The following ZFC3H1 variants were observed in gnomAD, a reference collection of about 807,000 sequenced individuals.
ZFC3H1 encodes the protein zinc finger C3H1 domain-containing protein.
A neutral mutation model predicts 243.7 loss-of-function variants in ZFC3H1; 71 were observed. The observed-to-expected ratio is 0.29, with a 90% CI of 0.24 to 0.36. The LOEUF is 0.36. ZFC3H1 is among the 10% of genes least tolerant of loss of function. The pLI is 1.00. For missense variants in ZFC3H1, 1,966 were observed against 2,317.1 expected, an observed-to-expected ratio of 0.85 and a Z score of 3.11; for synonymous variants, 838 against 813.0, an observed-to-expected ratio of 1.03 and a Z score of -0.52.
intron 22 of ZFC3H1, among the ~76,000 whole-genome samples, chr12:71,625,640 C>A (rs1245928196): frequency 6.6e-6 from 1 of 151,988 alleles, no homozygotes; most frequent in Non-Finnish European, 1.5e-5. Flanking sequence ...CAGTGAGTCA[C>A]GACTGCACTA....
At chr12:71,632,804 CTTTATATATACAT>C in intron 14 of ZFC3H1, 69 bp downstream of exon 14, 1 of 1,540,788 alleles carries the variant, frequency 6.5e-7, no homozygotes, top group Non-Finnish European at 8.7e-7. Flanking sequence ...CAAAGAGTTA[CTTTATATATACAT>C]CTTACCCTTA....
chr12:71,663,381 G>A lies in ZFC3H1; in HGVS notation c.230C>T (p.Ser77Phe), dbSNP rs749266950. Residue 77 changes from serine to phenylalanine, a missense_variant, in exon 1 of 35, where the codon TCC becomes TTC. By Grantham distance (155) the Ser-to-Phe change is radical (BLOSUM62 -2). Coordinates refer to ENST00000378743, the MANE Select transcript of ZFC3H1 (RefSeq NM_144982.5). ...ATTCCTCAGCTGCTGCTGAGAAGAGGACGATGACGAGGAAGAGCCACCGCC... is the reference window on the plus strand; with the variant it reads ...ATTCCTCAGCTGCTGCTGAGAAGAGAACGATGACGAGGAAGAGCCACCGCC... ...GGGGGSSSSS[S>F]SSQQQLRNFS... 4.3e-6 allele frequency: 7 copies of A among 1,612,490 alleles called. No individual in the cohort carries two copies. The highest frequency in any genetic ancestry group is 2.7e-5 in the African/African-American group (2 of 75,066).
chr12:71,661,728 G>A (rs1339723655), intron 1 of ZFC3H1, among the ~76,000 whole-genome samples: 52 of 152,132 alleles, frequency 3.4e-4, no homozygotes, highest in African/African-American at 1.2e-3. Flanking sequence ...GTGATCCACC[G>A]CCTCGGCCTC....
At chr12:71,636,287 C>T (rs1880457575) in intron 9 of ZFC3H1, among the ~76,000 whole-genome samples, 1 of 152,134 alleles carries the variant, frequency 6.6e-6, no homozygotes, top group Admixed American at 6.5e-5. Context: ...CACACTATCA[C>T]CAAACTCTTA....
chr12:71,635,671 G>C, intron 9 of ZFC3H1, 91 bp from the exon 10 acceptor site: 4 of 1,327,560 alleles, frequency 3.0e-6, no homozygotes, highest in Non-Finnish European at 4.0e-6. Context: ...TGGGCTCCAA[G>C]TAGACAGTCT....
rs767685719 is a variant in ZFC3H1, at chr12:71,637,019, C to A, written c.1766G>T (p.Cys589Phe). 6.2e-7 allele frequency: 1 copy of A among 1,613,764 alleles called. No individual in the cohort carries two copies. Among genetic ancestry groups the A allele is most frequent in the Non-Finnish European group, 8.5e-7 (1 of 1,179,898 alleles). ...PLSQPYVEGL[C>F]VSLEPLPPLP... ...AGGAGGTAGAGGTTCAAGAGAAACA[C>A]ACAAGCCTTCCACATAAGGCTGGCT... The change falls in exon 8 of 35, where the codon TGT (cysteine) becomes TTT (phenylalanine). Residue 589 changes from cysteine to phenylalanine, a missense_variant. Coordinates refer to ENST00000378743, the MANE Select transcript of ZFC3H1 (RefSeq NM_144982.5).
Position 71,634,814 on chromosome 12 carries a change from T to C in ZFC3H1, c.2250A>G (p.Lys750=), listed in dbSNP as rs574738642. The part of the protein sequence containing the change: ...EARRTAEQAS[K]PKVPPKSEKE... The stretch of plus-strand genomic sequence containing the variant: ...TTTCAGATTTTGGAGGTACTTTCGG[T>C]TTTGAAGCTTGCTAAAAAAAAAAAA... The change falls in exon 11 of 35, where the codon AAA becomes AAG. Residue 750 remains lysine, a synonymous_variant. Transcript: ENST00000378743. The C allele has an allele frequency of 5.1e-5, 80 of 1,571,990 alleles. 2 individuals carry two copies. In the South Asian group the frequency reaches 9.3e-4, roughly 18 times the overall value.
chr12:71,635,487 CA>C lies in ZFC3H1; in HGVS notation c.2193del (p.Phe731LeufsTer4). 2.5e-6 allele frequency: 4 copies of C among 1,579,210 alleles called. No individual in the cohort carries two copies. The highest frequency in any genetic ancestry group is 1.9e-5 in the Admixed American group (1 of 51,644). On this transcript the variant is annotated frameshift_variant, in exon 10 of 35. Coordinates refer to ENST00000378743, the MANE Select transcript of ZFC3H1 (RefSeq NM_144982.5). LOFTEE classifies it high-confidence loss of function. ...GEASKSTNSV[F>X]GGLESMIKEA... ...TCTTTAATCATGGACTCTAATCCAC[CA>C]AAAACACTATTTGTTGACTTGGAAG...
At chr12:71,615,394 T>G in intron 27 of ZFC3H1, 78 bp from the exon 28 acceptor site, 1 of 914,026 alleles carries the variant, frequency 1.1e-6, no homozygotes, top group African/African-American at 1.7e-5. Flanking sequence ...TTAAAATCGT[T>G]AGTTTCACTT....
intron 1 of ZFC3H1, among the ~76,000 whole-genome samples, chr12:71,659,235 C>T (rs1881100988): frequency 6.6e-6 from 1 of 152,220 alleles, no homozygotes; most frequent in Admixed American, 6.5e-5. Context: ...AGCCATCCTT[C>T]ATACTGCTGC....
intron 24 of ZFC3H1, among the ~76,000 whole-genome samples, chr12:71,623,038 A>C (rs1880072448): frequency 2.0e-5 from 3 of 152,310 alleles, no homozygotes; most frequent in Admixed American, 2.0e-4. Flanking sequence ...CTAAAAAAAA[A>C]AAAAAGTACC....
intron 2 of ZFC3H1, 135 bp downstream of exon 2, chr12:71,656,750 T>A: frequency 1.1e-6 from 1 of 887,764 alleles, no homozygotes; most frequent in Non-Finnish European, 1.7e-6. Context: ...TTCAATGATA[T>A]GAATGTCTAC....
In ZFC3H1 at chr12:71,632,503, C is replaced by A; in HGVS notation, c.2829G>T (p.Met943Ile). ...LEQDRFGPNKMMRLDSSPVSS... is the reference protein window; with the variant it reads ...LEQDRFGPNKIMRLDSSPVSS... ...ATACTGGAGAACTGTCCAGTCTCAT[C>A]ATTTTGTTTGGCTAAGGGAGAAAAA... Residue 943 changes from methionine to isoleucine, a missense_variant, in exon 15 of 35, where the codon ATG (methionine) becomes ATT (isoleucine). Physicochemically the swap from Met to Ile is conservative, Grantham distance 10 (BLOSUM62 1). Around this residue, in one of 4 missense-constraint regions of ZFC3H1, gnomAD observed 1,383 missense variants for 1,723.7 expected, o/e 0.80. Coordinates refer to ENST00000378743, the MANE Select transcript of ZFC3H1 (RefSeq NM_144982.5). 1 of 1,557,132 alleles carries A rather than the reference C, an allele frequency of 6.4e-7. No homozygotes were observed. Among genetic ancestry groups the A allele is most frequent in the South Asian group, 1.2e-5 (1 of 83,480 alleles).
chr12:71,654,221 T>C (rs1438520443), intron 2 of ZFC3H1, among the ~76,000 whole-genome samples: 1 of 151,980 alleles, frequency 6.6e-6, no homozygotes, highest in Admixed American at 6.6e-5. Context: ...AAGAGGATCA[T>C]TTGAGCCCAG....
rs201417038 is a variant in ZFC3H1 at position 71,630,677 on chromosome 12, T to C, written c.3647A>G (p.Gln1216Arg). 1 of 1,613,648 alleles carries C rather than the reference T, an allele frequency of 6.2e-7. No homozygotes were observed. Among genetic ancestry groups the C allele is most frequent in the African/African-American group, 1.3e-5 (1 of 75,032 alleles). ...AGACAGATTATATGACAGAATGTCC[T>C]GGAATAACTGTTTTCGGCTAAGTGT... ...DYTLSRKQLF[Q>R]DILSYNLSLI... The change falls in exon 18 of 35, where the codon CAG becomes CGG. Residue 1216 changes from glutamine to arginine, a missense_variant. Physicochemically the swap from Gln to Arg is conservative, Grantham distance 43 (BLOSUM62 1). Transcript: ENST00000378743.
Position 71,663,661 on chromosome 12 carries a change from C to G in ZFC3H1, c.-51G>C. On this transcript the variant is annotated 5_prime_UTR_variant, in exon 1 of 35. Transcript: ENST00000378743. ...CCTTAGCCCTCCGTCCGGGGATCCG[C>G]CCGACAATTGCCTCGTTTCCCTTCT... The G allele has an allele frequency of 6.4e-7, 1 of 1,562,532 alleles. No individual in the cohort carries two copies. Among genetic ancestry groups the G allele is most frequent in the Non-Finnish European group, 8.7e-7 (1 of 1,154,942 alleles).
intron 6 of ZFC3H1, among the ~76,000 whole-genome samples, chr12:71,639,764 T>C (rs966807198): frequency 2.0e-5 from 3 of 152,106 alleles, no homozygotes; most frequent in South Asian, 4.1e-4. Flanking sequence ...TTTTAGAAAC[T>C]AGTGGTAGGA....
chr12:71,634,355 C>T (rs1880406782), intron 11 of ZFC3H1, 51 bp from the exon 12 acceptor site: 2 of 1,561,192 alleles, frequency 1.3e-6, no homozygotes, highest in African/African-American at 2.8e-5. Context: ...TAAACTTAAA[C>T]TATTTTTAAA....
intron 2 of ZFC3H1, among the ~76,000 whole-genome samples, chr12:71,656,006 T>C (rs1350605593): frequency 6.6e-6 from 1 of 152,206 alleles, no homozygotes; most frequent in East Asian, 1.9e-4. Flanking sequence ...AAACACATTA[T>C]GCTCAATGAA....
Sources: allele counts gnomAD v4.1 joint callset (sites outside exome capture counted in the v4.1 genomes callset), GRCh38; gene constraint gnomAD v4.1.1; regional missense constraint gnomAD v4.1.1; transcripts MANE v1.5; gene names NCBI Gene and HGNC (gene_info 2026-07-23, HGNC 2026-07-21).